Variants in PRSS23 observed in about 807,000 individuals in gnomAD.
PRSS23 encodes the protein protease, serine 23.
Under a neutral mutation model 34.7 loss-of-function variants are expected in PRSS23, and 25 were observed. The ratio of observed to expected loss-of-function variants is 0.72; its 90% confidence interval spans 0.53 to 1.01. The LOEUF (loss-of-function observed/expected upper bound fraction) is 1.01. Among genes scored for constraint, PRSS23 ranks in the 50% least tolerant of loss-of-function variants. PRSS23 has a pLI of 0.00. For missense variants in PRSS23, 445 were observed against 475.6 expected (o/e 0.94, Z 0.60); for synonymous variants, 176 against 186.6 (o/e 0.94, Z 0.46).
chr11:86,852,797 T>C (rs887025219), intron 2 of PRSS23, among the ~76,000 whole-genome samples: 1 of 152,202 alleles, frequency 6.6e-6, no homozygotes, highest in Non-Finnish European at 1.5e-5. Flanking sequence ...TTTGCAACTC[T>C]ATGCATTTAA....
chr11:86,846,922 A>T (rs1410123898), intron 2 of PRSS23, among the ~76,000 whole-genome samples: 2 of 152,206 alleles, frequency 1.3e-5, no homozygotes, highest in African/African-American at 2.4e-5. Flanking sequence ...TGGATAGTAG[A>T]AGCCTTAGGG....
intron 2 of PRSS23, among the ~76,000 whole-genome samples, chr11:86,876,670 C>T (rs772685342): frequency 4.0e-5 from 6 of 151,788 alleles, no homozygotes; most frequent in East Asian, 1.9e-4. Context: ...CAAGACTATT[C>T]GTGATTCCTA....
At chr11:86,821,825 C>G in intron 1 of PRSS23, 2 of 614,120 alleles carry the variant, frequency 3.3e-6, no homozygotes, top group Non-Finnish European at 5.5e-6. Flanking sequence ...ATAGTGTCAG[C>G]GTCTGGGCCT....
intron 2 of PRSS23, among the ~76,000 whole-genome samples, chr11:86,926,220 G>A (rs1192981284): frequency 4.6e-5 from 7 of 152,084 alleles, no homozygotes; most frequent in South Asian, 4.1e-4. Context: ...AAAATTAGCC[G>A]GGCGTGGTGC....
At chr11:86,875,497 C>T (rs565702867) in intron 2 of PRSS23, among the ~76,000 whole-genome samples, 8 of 152,336 alleles carry the variant, frequency 5.3e-5, no homozygotes, top group East Asian at 3.9e-4. Flanking sequence ...CTGGTAGGAA[C>T]GCTGACTCTT....
At chr11:86,791,546 G>A (rs933575706) in intron 1 of PRSS23, among the ~76,000 whole-genome samples, 14 of 152,212 alleles carry the variant, frequency 9.2e-5, no homozygotes, top group African/African-American at 3.4e-4. Context: ...TGATGGCTGT[G>A]AGGCACTTTT....
intron 2 of PRSS23, among the ~76,000 whole-genome samples, chr11:86,847,566 C>T (rs570190506): frequency 6.6e-6 from 1 of 152,138 alleles, no homozygotes; most frequent in Non-Finnish European, 1.5e-5. Flanking sequence ...CAGGACTAAC[C>T]AGGGGTGTGG....
upstream of PRSS23, among the ~76,000 whole-genome samples, chr11:86,796,413 G>A (rs372765860): frequency 1.7e-4 from 26 of 151,902 alleles, no homozygotes; most frequent in African/African-American, 6.0e-4. Context: ...AGGCCGAGGC[G>A]GGCGGATCAC....
chr11:86,879,740 G>T (rs1318525081), intron 2 of PRSS23, among the ~76,000 whole-genome samples: 2 of 132,746 alleles, frequency 1.5e-5, no homozygotes, highest in Non-Finnish European at 3.3e-5. Flanking sequence ...TCAGCCCCCC[G>T]CCCGGCCAGC....
At chr11:86,935,469 T>C (rs745378842) in intron 2 of PRSS23, 2 of 152,214 alleles carry the variant, frequency 1.3e-5, no homozygotes, top group Non-Finnish European at 2.9e-5. Context: ...AAAGTCTACG[T>C]GTATGGCATT....
At chr11:86,858,340 G>T (rs1219147277) in intron 2 of PRSS23, among the ~76,000 whole-genome samples, 5 of 151,962 alleles carry the variant, frequency 3.3e-5, no homozygotes, top group Admixed American at 3.3e-4. Context: ...ATCGCAAGGG[G>T]TTTACATCAC....
chr11:86,797,449 G>A (rs1351160446), upstream of PRSS23, among the ~76,000 whole-genome samples: 1 of 152,174 alleles, frequency 6.6e-6, no homozygotes, highest in African/African-American at 2.4e-5. Flanking sequence ...AAAGCTTGTG[G>A]TGCATGTTCA....
At chr11:86,827,363 C>A (rs1333973718) in intron 2 of PRSS23, among the ~76,000 whole-genome samples, 2 of 151,794 alleles carry the variant, frequency 1.3e-5, no homozygotes, top group East Asian at 1.9e-4. Context: ...TTTTTATTGC[C>A]TCTATTTGAT....
At chr11:86,951,642 C>A in exon 3 of PRSS23, 1 of 1,614,176 alleles carries the variant, frequency 6.2e-7, no homozygotes, top group Non-Finnish European at 8.5e-7. Flanking sequence ...CCAGTCAGTT[C>A]ATCTGCATCC....
intron 2 of PRSS23, among the ~76,000 whole-genome samples, chr11:86,825,324 G>T (rs1449800766): frequency 4.6e-5 from 7 of 152,010 alleles, no homozygotes; most frequent in South Asian, 4.1e-4. Context: ...TTTTGATGGG[G>T]TTGTTTGTTT....
intron 1 of PRSS23, among the ~76,000 whole-genome samples, chr11:86,807,226 A>C (rs1948111193): frequency 6.6e-6 from 1 of 152,104 alleles, no homozygotes; most frequent in South Asian, 2.1e-4. Context: ...GAGAAGGAGG[A>C]GGGAAAGGCG....
chr11:86,917,468 T>TAA (rs1949021110), intron 2 of PRSS23, among the ~76,000 whole-genome samples: 1 of 152,238 alleles, frequency 6.6e-6, no homozygotes, highest in Non-Finnish European at 1.5e-5. Flanking sequence ...AATCACTGAT[T>TAA]TTCAGTTTCC....
At chr11:86,866,168 C>G (rs1394748544) in intron 2 of PRSS23, among the ~76,000 whole-genome samples, 1 of 152,194 alleles carries the variant, frequency 6.6e-6, no homozygotes, top group East Asian at 1.9e-4. Flanking sequence ...TATCCAGCCC[C>G]TCAAAGTGGT....
At chr11:86,887,706 T>G (rs1319032503) in intron 2 of PRSS23, among the ~76,000 whole-genome samples, 1 of 151,506 alleles carries the variant, frequency 6.6e-6, no homozygotes, top group East Asian at 1.9e-4. Context: ...GTACTGGGAG[T>G]AGGGGTGGGA....
Sources: gnomAD v4.1 joint callset for allele counts (sites outside exome capture counted in the v4.1 genomes callset) on GRCh38, gnomAD v4.1.1 for gene constraint, MANE v1.5 for transcripts, NCBI Gene and HGNC (gene_info 2026-07-23, HGNC 2026-07-21) for gene names.